ZHX2: variants seen among roughly 807,000 people sequenced by gnomAD.
ZHX2 encodes zinc fingers and homeoboxes protein 2.
In ZHX2, 6 loss-of-function variants were observed where a neutral mutation model predicts 21.9. That is an observed-to-expected ratio of 0.27 (90% confidence interval 0.15 to 0.54). The LOEUF (loss-of-function observed/expected upper bound fraction) is 0.54, where lower values mean the gene tolerates loss of function less well. Among genes scored for constraint, ZHX2 ranks in the 20% least tolerant of loss-of-function variants. The probability of loss-of-function intolerance (pLI) is 0.95; values close to 1 mark genes in which losing one functional copy is unlikely to be tolerated. For synonymous variants in ZHX2, 434 were observed against 437.1 expected, an observed-to-expected ratio of 0.99 and a Z score of 0.09; for missense variants, 908 against 1,090.7, an observed-to-expected ratio of 0.83 and a Z score of 2.36.
intron 1 of ZHX2, chr8:122,810,558 G>A (rs571937981): frequency 1.3e-5 from 2 of 152,350 alleles, no homozygotes; most frequent in South Asian, 4.1e-4. Context: ...GCCCTGAGGT[G>A]TCACGTCCTG....
chr8:122,904,771 C>T (rs977035119), intron 2 of ZHX2, among the ~76,000 whole-genome samples: 1 of 152,126 alleles, frequency 6.6e-6, no homozygotes, highest in African/African-American at 2.4e-5. Context: ...TTCAAAATCA[C>T]TCATACCAAG....
At chr8:122,954,921 C>A (rs1299411303) in intron 3 of ZHX2, among the ~76,000 whole-genome samples, 1 of 151,716 alleles carries the variant, frequency 6.6e-6, no homozygotes, top group Non-Finnish European at 1.5e-5. Context: ...AAGACCTGAG[C>A]TTATTTCTTC....
chr8:122,872,139 G>T (rs1030327012), intron 2 of ZHX2, among the ~76,000 whole-genome samples: 1 of 152,184 alleles, frequency 6.6e-6, no homozygotes, highest in African/African-American at 2.4e-5. Flanking sequence ...GAAAAAAGAT[G>T]CACAGACAGC....
chr8:122,808,471 C>T (rs1202836667), intron 1 of ZHX2, among the ~76,000 whole-genome samples: 1 of 152,172 alleles, frequency 6.6e-6, no homozygotes, highest in Non-Finnish European at 1.5e-5. Context: ...CATCAGATCT[C>T]ATGAGAATTC....
At chr8:122,933,210 T>C (rs1315519174) in intron 2 of ZHX2, among the ~76,000 whole-genome samples, 1 of 152,120 alleles carries the variant, frequency 6.6e-6, no homozygotes, top group African/African-American at 2.4e-5. Flanking sequence ...TCCAGGAAGA[T>C]GGAGTGTGCA....
intron 1 of ZHX2, among the ~76,000 whole-genome samples, chr8:122,823,863 G>A (rs918193308): frequency 3.3e-5 from 5 of 152,118 alleles, no homozygotes; most frequent in Non-Finnish European, 5.9e-5. Flanking sequence ...TTTACCTGTT[G>A]ACTTTTGCGT....
chr8:122,861,650 A>AC lies in ZHX2; in HGVS notation c.-282-1827_-282-1826insC, dbSNP rs1440541940. On this transcript the variant is annotated intron_variant, in intron 1 of 3. Coordinates refer to ENST00000314393, the MANE Select transcript of ZHX2 (RefSeq NM_014943.5). Reference sequence around the variant, plus strand: ...CCTCCTCATCAGGAGCAGCTAGACTATACTGGTTGTACCTCTGGGCTTGGA... The same window carrying AC: ...CCTCCTCATCAGGAGCAGCTAGACTACTACTGGTTGTACCTCTGGGCTTGGA... Among the ~76,000 whole-genome samples the AC allele has an allele frequency of 5.3e-5, 8 of 152,148 alleles. No individual in the cohort carries two copies. The East Asian group carries it at 1.4e-3, about 26-fold the overall frequency.
At chr8:122,785,545 A>G (rs1817377772) in intron 1 of ZHX2, among the ~76,000 whole-genome samples, 1 of 152,266 alleles carries the variant, frequency 6.6e-6, no homozygotes, top group African/African-American at 2.4e-5. Context: ...GGGAAGGGGC[A>G]CCCCTCTCAG....
rs751273032 is a variant in ZHX2 at position 122,926,417 on chromosome 8, G to A, written c.-219-24875G>A. 1.8e-4 allele frequency among the ~76,000 whole-genome samples: 27 copies of A among 152,274 alleles called. No individual in the cohort carries two copies. The South Asian group carries it at 2.7e-3, about 15-fold the overall frequency. ...TAGGTAGTAAACTCTCTGAGTATAG[G>A]GATTGTAATACTTTCCTGTGACTGC... is the stretch of plus-strand genomic sequence containing the variant. On this transcript the variant is annotated intron_variant, in intron 2 of 3. Transcript: ENST00000314393.
chr8:122,811,724 A>T (rs937327755), intron 1 of ZHX2, among the ~76,000 whole-genome samples: 4 of 152,230 alleles, frequency 2.6e-5, no homozygotes, highest in Non-Finnish European at 5.9e-5. Context: ...GGAAGGTGGG[A>T]TGGTAATAGG....
chr8:122,953,896 G>T lies in ZHX2; in HGVS notation c.2386G>T (p.Val796Leu), dbSNP rs1813222028. Residue 796 changes from valine (V) to leucine (L), a missense_variant, in exon 3 of 4, where the codon GTG (valine) becomes TTG (leucine). By Grantham distance (32) the Val-to-Leu change is conservative. Around this residue, in one of 4 missense-constraint regions of ZHX2, gnomAD observed 431 missense variants for 428.6 expected, o/e 1.01. Transcript: ENST00000314393. The surrounding 1 kb of genome is among the most constrained non-coding windows in gnomAD (Gnocchi z 4.6). ...EESSVVDYVE[V>L]TVGEEDAISD... ...GTCGAGCGTTGTGGATTACGTGGAG[G>T]TGACGGTCGGGGAGGAGGATGCGAT... 6.2e-7 allele frequency: 1 copy of T among 1,614,098 alleles called. No individual in the cohort carries two copies. Among genetic ancestry groups the T allele is most frequent in the Non-Finnish European group, 8.5e-7 (1 of 1,180,044 alleles).
chr8:122,880,363 C>T (rs1451066552), intron 2 of ZHX2, among the ~76,000 whole-genome samples: 1 of 152,102 alleles, frequency 6.6e-6, no homozygotes, highest in East Asian at 1.9e-4. Context: ...GACTCAGAGG[C>T]AAGCTGTCTG....
intron 1 of ZHX2, among the ~76,000 whole-genome samples, chr8:122,819,818 T>C (rs185356140): frequency 2.6e-5 from 4 of 152,306 alleles, no homozygotes; most frequent in Non-Finnish European, 5.9e-5. Context: ...TACATCCAAA[T>C]ACCCACAAGA....
intron 3 of ZHX2, among the ~76,000 whole-genome samples, chr8:122,954,876 T>C (rs1226255439): frequency 6.6e-6 from 1 of 152,050 alleles, no homozygotes; most frequent in African/African-American, 2.4e-5. Context: ...TCTTTTTGGA[T>C]TTTTTAAGAA....
chr8:122,814,572 C>A (rs1284782575), intron 1 of ZHX2, among the ~76,000 whole-genome samples: 1 of 152,108 alleles, frequency 6.6e-6, no homozygotes, highest in Non-Finnish European at 1.5e-5. Flanking sequence ...AAATAGAAGT[C>A]ACTATAATTA....
chr8:122,853,223 A>C (rs751870870), intron 1 of ZHX2, among the ~76,000 whole-genome samples: 1 of 152,052 alleles, frequency 6.6e-6, no homozygotes, highest in Non-Finnish European at 1.5e-5. Flanking sequence ...CATCATCATG[A>C]TACTCTCCAT....
chr8:122,815,390 AT>A (rs1818009960), intron 1 of ZHX2: 1 of 152,236 alleles, frequency 6.6e-6, no homozygotes, highest in Non-Finnish European at 1.5e-5. Flanking sequence ...GGCATACCTC[AT>A]TTTATTGCAC....
At chr8:122,888,379 A>G (rs1819893072) in intron 2 of ZHX2, among the ~76,000 whole-genome samples, 2 of 152,230 alleles carry the variant, frequency 1.3e-5, no homozygotes, top group Admixed American at 6.5e-5. Context: ...TAGCATATTC[A>G]TCACTTCAAA....
At chr8:122,856,497 G>T (rs1819026588) in intron 1 of ZHX2, among the ~76,000 whole-genome samples, 1 of 152,046 alleles carries the variant, frequency 6.6e-6, no homozygotes, top group Non-Finnish European at 1.5e-5. Context: ...AAGGGCTTCT[G>T]TTTTCCAGTT....
Sources: allele counts gnomAD v4.1 joint callset (sites outside exome capture counted in the v4.1 genomes callset), GRCh38; gene constraint gnomAD v4.1.1; regional missense constraint gnomAD v4.1.1; non-coding constraint Gnocchi (gnomAD v3.1); transcripts MANE v1.5; gene names NCBI Gene and HGNC (gene_info 2026-07-23, HGNC 2026-07-21).